The following NCOA2 variants were observed in gnomAD, a reference collection of about 807,000 sequenced individuals.
NCOA2 encodes the protein class E basic helix-loop-helix protein 75.
A neutral mutation model predicts 145.1 loss-of-function variants in NCOA2; 21 were observed. The observed-to-expected ratio is 0.14, with a 90% CI of 0.10 to 0.21. The LOEUF is 0.21. Ranked by LOEUF, NCOA2 falls within the 10% of genes least tolerant of loss-of-function variation. The pLI, the probability that NCOA2 is intolerant of heterozygous loss-of-function variation, is 1.00. For synonymous variants in NCOA2, 619 were observed against 637.5 expected (o/e 0.97, Z 0.44); for missense variants, 1,472 against 1,837.6 (o/e 0.80, Z 3.64).
chr8:70,159,446 T>G, intron 10 of NCOA2, 59 bp downstream of exon 10: 1 of 1,432,604 alleles, frequency 7.0e-7, no homozygotes, highest in Non-Finnish European at 9.6e-7. Context: ...AATTTGCTGC[T>G]TTTGTAATAT....
At chr8:70,135,284 C>T (rs1360561746) in intron 15 of NCOA2, among the ~76,000 whole-genome samples, 1 of 152,158 alleles carries the variant, frequency 6.6e-6, no homozygotes, top group African/African-American at 2.4e-5. Flanking sequence ...AGCATTAAAC[C>T]ACTTACTGTG....
chr8:70,402,774 C>A (rs1392383150), intron 1 of NCOA2, among the ~76,000 whole-genome samples: 2 of 151,764 alleles, frequency 1.3e-5, no homozygotes, highest in South Asian at 2.1e-4. Context: ...CGGTCCGCCT[C>A]CCGCCCCCGG....
chr8:70,440,280 GA>G, the NCOA2 span, among the ~76,000 whole-genome samples: 224 of 146,834 alleles, frequency 1.5e-3, no homozygotes, highest in African/African-American at 4.9e-3. Flanking sequence ...CCGTCTCCAA[GA>G]AAAAAAAAAG....
rs553915380 is a variant in NCOA2 at position 70,216,858 on chromosome 8, C to T, written c.-19-94G>A. The T allele has an allele frequency of 1.8e-4, 140 of 783,988 alleles. 1 individual carries two copies. In the East Asian group the frequency reaches 3.5e-3, roughly 19 times the overall value. 48.6% of individuals were successfully genotyped at this position (783,988 alleles called of 1,614,324 possible). A position where few individuals can be genotyped will look rare whatever the true frequency, so the allele number is the denominator to read the frequency against. On this transcript the variant is annotated intron_variant, in intron 2 of 22. Coordinates refer to ENST00000452400, the MANE Select transcript of NCOA2 (RefSeq NM_006540.4). Reference sequence around the variant, plus strand: ...TACCAACAATAAAAGAATTTTGACTCCAATCAGAAATTTGAGACCAGTAAT... The same window carrying T: ...TACCAACAATAAAAGAATTTTGACTTCAATCAGAAATTTGAGACCAGTAAT...
chr8:70,310,578 G>C (rs908067397), intron 1 of NCOA2, among the ~76,000 whole-genome samples: 1 of 151,924 alleles, frequency 6.6e-6, no homozygotes, highest in Non-Finnish European at 1.5e-5. Flanking sequence ...TAAAGTATCA[G>C]GTTAAAATAT....
At chr8:70,334,819 GCT>G (rs1807423250) in intron 1 of NCOA2, among the ~76,000 whole-genome samples, 1 of 152,004 alleles carries the variant, frequency 6.6e-6, no homozygotes, top group East Asian at 1.9e-4. Flanking sequence ...TATTCATTTT[GCT>G]CTGGTCAGAT....
the NCOA2 span, among the ~76,000 whole-genome samples, chr8:70,450,502 A>T: frequency 1.3e-5 from 2 of 151,526 alleles, no homozygotes; most frequent in East Asian, 3.9e-4. Flanking sequence ...TCTGTTGTTT[A>T]TAAACTACCC....
chr8:70,178,881 C>T (rs1355457728), intron 4 of NCOA2, among the ~76,000 whole-genome samples: 1 of 152,028 alleles, frequency 6.6e-6, no homozygotes, highest in Admixed American at 6.6e-5. Flanking sequence ...GGAACACTGG[C>T]GAAACATTGA....
chr8:70,332,267 A>C (rs541742543), intron 1 of NCOA2, among the ~76,000 whole-genome samples: 1 of 152,300 alleles, frequency 6.6e-6, no homozygotes, highest in South Asian at 2.1e-4. Context: ...TTTGTGTTTG[A>C]GCAGAGAATA....
intron 2 of NCOA2, among the ~76,000 whole-genome samples, chr8:70,219,141 A>G (rs4146466): frequency 0.89 from 136,224 of 152,210 alleles, 61,401 homozygotes; most frequent in African/African-American, 0.95. Flanking sequence ...CCAGAGGGAG[A>G]GAGAAGAGGA....
At chr8:70,416,236 T>C in the NCOA2 span, among the ~76,000 whole-genome samples, 2 of 149,498 alleles carry the variant, frequency 1.3e-5, 1 homozygote, top group African/African-American at 5.0e-5. Context: ...CTGATTTAAA[T>C]GTTCAATGAG....
At chr8:70,323,287 T>C (rs189147616) in intron 1 of NCOA2, among the ~76,000 whole-genome samples, 2 of 152,072 alleles carry the variant, frequency 1.3e-5, no homozygotes, top group Non-Finnish European at 2.9e-5. Flanking sequence ...TAAAAGAAAA[T>C]GTAGTATGTT....
intron 1 of NCOA2, among the ~76,000 whole-genome samples, chr8:70,351,315 T>G (rs1809181139): frequency 6.6e-6 from 1 of 152,178 alleles, no homozygotes; most frequent in Admixed American, 6.5e-5. Flanking sequence ...TAACTCTACC[T>G]ATTAATTCTC....
chr8:70,264,692 CA>C (rs1330960025), intron 2 of NCOA2, among the ~76,000 whole-genome samples: 5 of 152,094 alleles, frequency 3.3e-5, no homozygotes, highest in Admixed American at 6.5e-5. Context: ...CAAAAATGTT[CA>C]CTGCCGGAAT....
intron 1 of NCOA2, among the ~76,000 whole-genome samples, chr8:70,400,822 G>T (rs567246461): frequency 6.6e-6 from 1 of 152,102 alleles, no homozygotes; most frequent in African/African-American, 2.4e-5. Context: ...CTGTTCCCTA[G>T]AACTGCAGTC....
At chr8:70,271,088 T>C (rs1339909390) in intron 2 of NCOA2, among the ~76,000 whole-genome samples, 2 of 152,182 alleles carry the variant, frequency 1.3e-5, no homozygotes, top group South Asian at 4.1e-4. Flanking sequence ...ATGTTGAAAA[T>C]ACATCTTGGC....
At chr8:70,172,185 C>T (rs1410652884) in intron 5 of NCOA2, among the ~76,000 whole-genome samples, 1 of 151,834 alleles carries the variant, frequency 6.6e-6, no homozygotes, top group Non-Finnish European at 1.5e-5. Flanking sequence ...CTCAAACTCT[C>T]GGCCTCAAGT....
At chr8:70,449,509 G>C in the NCOA2 span, among the ~76,000 whole-genome samples, 7 of 152,262 alleles carry the variant, frequency 4.6e-5, no homozygotes, top group African/African-American at 7.2e-5. Context: ...TCCTGAAGGA[G>C]AGGGAGCGAG....
chr8:70,450,743 G>A, the NCOA2 span, among the ~76,000 whole-genome samples: 1 of 150,682 alleles, frequency 6.6e-6, no homozygotes. Context: ...CCACTCCTGG[G>A]TACTTTTTGT....
Sources: gnomAD v4.1 joint callset for allele counts (sites outside exome capture counted in the v4.1 genomes callset) on GRCh38, gnomAD v4.1.1 for gene constraint, MANE v1.5 for transcripts, NCBI Gene and HGNC (gene_info 2026-07-23, HGNC 2026-07-21) for gene names.